The following KCND2 variants were observed in gnomAD, a reference collection of about 807,000 sequenced individuals.
The protein encoded by KCND2 is potassium voltage-gated channel subfamily D member 2.
In KCND2, 16 loss-of-function variants were observed where a neutral mutation model predicts 54.4. The ratio of observed to expected loss-of-function variants is 0.29; its 90% CI spans 0.20 to 0.45. The LOEUF (loss-of-function observed/expected upper bound fraction) is 0.45, where lower values mean the gene tolerates loss of function less well. Ranked by LOEUF, KCND2 falls within the 20% of genes least tolerant of loss-of-function variation. The pLI, the probability that KCND2 is intolerant of heterozygous loss-of-function variation, is 1.00. For synonymous variants in KCND2, 317 were observed against 310.7 expected (o/e 1.02, Z -0.21); for missense variants, 486 against 824.2 (o/e 0.59, Z 5.02).
At chr7:120,632,948 T>C (rs1793257261) in intron 1 of KCND2, among the ~76,000 whole-genome samples, 1 of 152,148 alleles carries the variant, frequency 6.6e-6, no homozygotes, top group Non-Finnish European at 1.5e-5. Flanking sequence ...TCTCATTAAG[T>C]TAAGGTGAAT....
intron 1 of KCND2, among the ~76,000 whole-genome samples, chr7:120,480,031 TA>T (rs1408087499): frequency 1.3e-5 from 2 of 151,158 alleles, no homozygotes; most frequent in Non-Finnish European, 2.9e-5. Context: ...GAAATGTATT[TA>T]ACTGCAAAGA....
Position 120,274,695 on chromosome 7 carries a change from T to C in KCND2, c.63T>C (p.Pro21=). ...GGGCAGCGGCTATCGGGTGGATGCC[T>C]GTGGCCTCGGGGCCTATGCCGGCTC... ...FARAAAIGWM[P]VASGPMPAPP... Residue 21 remains proline (P), a synonymous_variant, in exon 1 of 6, where the codon CCT becomes CCC. Transcript: ENST00000331113. 6.2e-7 allele frequency: 1 copy of C among 1,614,002 alleles called. No homozygotes were observed. The highest frequency in any genetic ancestry group is 8.5e-7 in the Non-Finnish European group (1 of 1,180,004).
At chr7:120,456,870 A>G (rs556189448) in intron 1 of KCND2, among the ~76,000 whole-genome samples, 2 of 152,158 alleles carry the variant, frequency 1.3e-5, no homozygotes, top group South Asian at 4.1e-4. Flanking sequence ...GCCTTAGCAG[A>G]GGTTCTACAT....
At chr7:120,443,064 C>T (rs546201685) in intron 1 of KCND2, among the ~76,000 whole-genome samples, 33 of 152,120 alleles carry the variant, frequency 2.2e-4, no homozygotes, top group African/African-American at 7.0e-4. Flanking sequence ...CTGGTGCCTT[C>T]TAGTCATGAA....
chr7:120,439,574 C>G (rs1801920163), intron 1 of KCND2, among the ~76,000 whole-genome samples: 1 of 152,008 alleles, frequency 6.6e-6, no homozygotes, highest in Non-Finnish European at 1.5e-5. Flanking sequence ...ACTGTACTTA[C>G]CCTACAGTGC....
At chr7:120,733,831 A>AT (rs1442327509) in intron 2 of KCND2, among the ~76,000 whole-genome samples, 1 of 152,136 alleles carries the variant, frequency 6.6e-6, no homozygotes, top group African/African-American at 2.4e-5. Context: ...AAAATAATAA[A>AT]TAATAAGATT....
At chr7:120,455,967 G>T (rs569455971) in intron 1 of KCND2, among the ~76,000 whole-genome samples, 2 of 152,002 alleles carry the variant, frequency 1.3e-5, no homozygotes, top group Admixed American at 1.3e-4. Context: ...CTAAGCAAAA[G>T]TTAAAAAAAT....
intron 1 of KCND2, among the ~76,000 whole-genome samples, chr7:120,418,505 C>T (rs1801559221): frequency 6.6e-6 from 1 of 152,098 alleles, no homozygotes; most frequent in African/African-American, 2.4e-5. Context: ...GGGTCTCAAA[C>T]CAGGCGGTTT....
chr7:120,580,567 A>G (rs1390173078), intron 1 of KCND2, among the ~76,000 whole-genome samples: 1 of 152,190 alleles, frequency 6.6e-6, no homozygotes, highest in Non-Finnish European at 1.5e-5. Context: ...TTGTTTACAA[A>G]CACCTGCCCC....
intron 1 of KCND2, among the ~76,000 whole-genome samples, chr7:120,425,967 G>A (rs1243962607): frequency 4.7e-5 from 7 of 147,970 alleles, no homozygotes; most frequent in Non-Finnish European, 7.5e-5. Flanking sequence ...TTTAGAACTA[G>A]TTAATTTTAT....
chr7:120,666,649 C>T (rs1791930801), intron 1 of KCND2, among the ~76,000 whole-genome samples: 1 of 151,864 alleles, frequency 6.6e-6, no homozygotes, highest in South Asian at 2.1e-4. Context: ...AAGAGCATCC[C>T]TCAGGCCTGC....
chr7:120,716,864 G>A (rs1156405622), intron 1 of KCND2, among the ~76,000 whole-genome samples: 1 of 152,024 alleles, frequency 6.6e-6, no homozygotes, highest in Non-Finnish European at 1.5e-5. Context: ...TTATCTGAGG[G>A]AGATATGCTC....
chr7:120,709,620 C>T (rs1289943997), intron 1 of KCND2, among the ~76,000 whole-genome samples: 1 of 152,150 alleles, frequency 6.6e-6, no homozygotes, highest in Non-Finnish European at 1.5e-5. Context: ...AGGAAAGTAA[C>T]AGGAGTAAGA....
At chr7:120,559,046 C>T (rs145052446) in intron 1 of KCND2, among the ~76,000 whole-genome samples, 13 of 150,558 alleles carry the variant, frequency 8.6e-5, no homozygotes, top group South Asian at 2.1e-4. Context: ...TGTATGTGTA[C>T]GTGCATGTAT....
intron 1 of KCND2, among the ~76,000 whole-genome samples, chr7:120,407,386 AC>A (rs1178437208): frequency 1.3e-5 from 2 of 151,920 alleles, no homozygotes; most frequent in African/African-American, 4.8e-5. Flanking sequence ...TTATAAACAA[AC>A]CCCCCAAAAG....
At chr7:120,718,114 G>A (rs1054250848) in intron 1 of KCND2, among the ~76,000 whole-genome samples, 2 of 152,128 alleles carry the variant, frequency 1.3e-5, no homozygotes, top group African/African-American at 4.8e-5. Context: ...GGAGGCAGAT[G>A]AGCTAATAGT....
chr7:120,611,047 G>A (rs1270170893), intron 1 of KCND2, among the ~76,000 whole-genome samples: 1 of 152,134 alleles, frequency 6.6e-6, no homozygotes, highest in Non-Finnish European at 1.5e-5. Context: ...TGATTGTTAA[G>A]GGAGGATAAT....
intron 1 of KCND2, among the ~76,000 whole-genome samples, chr7:120,595,509 GTATATATA>G (rs1196192598): frequency 5.6e-5 from 8 of 142,316 alleles, no homozygotes; most frequent in East Asian, 4.0e-4. Context: ...GTGTGTGTGT[GTATATATA>G]TGTATATATA....
At chr7:120,656,026 T>C (rs1003156856) in intron 1 of KCND2, among the ~76,000 whole-genome samples, 11 of 152,166 alleles carry the variant, frequency 7.2e-5, no homozygotes, top group African/African-American at 2.7e-4. Context: ...TATACAAGTA[T>C]CCATTTGTTT....
Sources: allele counts gnomAD v4.1 joint callset (sites outside exome capture counted in the v4.1 genomes callset), GRCh38; gene constraint gnomAD v4.1.1; transcripts MANE v1.5; gene names NCBI Gene and HGNC (gene_info 2026-07-23, HGNC 2026-07-21).